The following TRPM2 variants were observed in gnomAD, a reference collection of about 807,000 sequenced individuals.
TRPM2 encodes the protein transient receptor potential cation channel subfamily M member 2.
Under a neutral mutation model 174.0 loss-of-function variants are expected in TRPM2, and 161 were observed. The observed-to-expected ratio is 0.93, with a 90% CI of 0.81 to 1.05. The LOEUF is 1.05. Among genes scored for constraint, TRPM2 ranks in the 50% least tolerant of loss-of-function variants. TRPM2 has a pLI of 0.00. For missense variants in TRPM2, 2,057 were observed against 2,038.0 expected, an observed-to-expected ratio of 1.01 and a Z score of -0.18; for synonymous variants, 954 against 861.3, an observed-to-expected ratio of 1.11 and a Z score of -1.88.
At chr21:44,419,211 G>A (rs533367803) in intron 22 of TRPM2, among the ~76,000 whole-genome samples, 4 of 152,178 alleles carry the variant, frequency 2.6e-5, no homozygotes, top group East Asian at 1.9e-4. Context: ...AAATGGACAC[G>A]GTGCCACCTA....
At chr21:44,430,374 C>T (rs2050978078) in intron 27 of TRPM2, among the ~76,000 whole-genome samples, 1 of 151,452 alleles carries the variant, frequency 6.6e-6, no homozygotes, top group Non-Finnish European at 1.5e-5. Context: ...TAATACTTAG[C>T]TATATAACTG....
chr21:44,423,781 G>T (rs562518651), intron 23 of TRPM2, 49 bp downstream of exon 23: 12 of 1,481,292 alleles, frequency 8.1e-6, no homozygotes, highest in Admixed American at 1.9e-5. Context: ...TGCTGGGCCT[G>T]GTGGGCGGCT....
chr21:44,400,667 C>A (rs1212563507), intron 15 of TRPM2, among the ~76,000 whole-genome samples: 1 of 152,250 alleles, frequency 6.6e-6, no homozygotes, highest in Non-Finnish European at 1.5e-5. Flanking sequence ...CCTGCTCCTG[C>A]CGGCACTGTA....
intron 26 of TRPM2, 108 bp downstream of exon 26, chr21:44,426,844 G>A (rs2050803947): frequency 6.9e-7 from 1 of 1,457,536 alleles, no homozygotes; most frequent in East Asian, 2.3e-5. Flanking sequence ...GTCCAGGTGA[G>A]CAGGAGGGGC....
In TRPM2 at chr21:44,401,898, G is replaced by T. The variant is rs1424533268; in HGVS notation, c.2538+1G>T. ...CTTGGTGTGCGAGGAGATGCGGCAGGTACAGCCCCACCCGCTTTTCCACGC... is the reference window on the plus strand; with the variant it reads ...CTTGGTGTGCGAGGAGATGCGGCAGTTACAGCCCCACCCGCTTTTCCACGC... On this transcript the variant is annotated splice_donor_variant, in intron 16 of 31. Coordinates refer to ENST00000397928, the MANE Select transcript of TRPM2 (RefSeq NM_003307.4). LOFTEE classifies it high-confidence loss of function. 1 of 1,613,628 alleles carries T rather than the reference G, an allele frequency of 6.2e-7. No homozygotes were observed. The highest frequency in any genetic ancestry group is 1.1e-5 in the South Asian group (1 of 91,084).
At chr21:44,379,257 C>G (rs1014058183) in intron 8 of TRPM2, 60 bp downstream of exon 8, 31 of 1,574,772 alleles carry the variant, frequency 2.0e-5, no homozygotes, top group Admixed American at 1.3e-4. Context: ...ACACTGTCAG[C>G]CTGGTGGGCA....
intron 5 of TRPM2, among the ~76,000 whole-genome samples, chr21:44,371,629 A>G (rs540346601): frequency 6.6e-6 from 1 of 152,226 alleles, no homozygotes; most frequent in East Asian, 1.9e-4. Flanking sequence ...TGTAGGTCCC[A>G]CTAGGGTCAT....
In TRPM2 at chr21:44,405,129, C is replaced by T. The variant is rs373815798; in HGVS notation, c.2539-13C>T. 3 of 1,612,612 alleles carry T rather than the reference C, an allele frequency of 1.9e-6. No individual in the cohort carries two copies. The African/African-American group carries it at 4.0e-5, about 22-fold the overall frequency. ...CAACCTGTCTGCCTTCCTACCGCCC[C>T]TCTTCCCAGTAGCTCTTCTATGACC... On this transcript the variant is annotated splice_polypyrimidine_tract_variant and intron_variant, in intron 16 of 31. Coordinates refer to ENST00000397928, the MANE Select transcript of TRPM2 (RefSeq NM_003307.4).
At chr21:44,380,304 C>T (rs911220119) in intron 8 of TRPM2, among the ~76,000 whole-genome samples, 10 of 152,170 alleles carry the variant, frequency 6.6e-5, no homozygotes, top group South Asian at 2.1e-4. Context: ...TAGCTGCAAG[C>T]GTCAGATCAG....
chr21:44,441,675 T>C lies in TRPM2; in HGVS notation c.4387-17T>C, dbSNP rs1247900623. On this transcript the variant is annotated splice_polypyrimidine_tract_variant and intron_variant, in intron 31 of 31. Transcript: ENST00000397928. ...CAGGGCTGGCGGGGAGGGTCAGCTG[T>C]GCCCTTGTTCTTCCAGAACCTGCAC... The C allele has an allele frequency of 2.5e-6, 4 of 1,602,184 alleles. No homozygotes were observed. Among genetic ancestry groups the C allele is most frequent in the Non-Finnish European group, 3.4e-6 (4 of 1,174,516 alleles).
rs753508426 is a variant in TRPM2, at chr21:44,423,748, G to A, written c.3549+16G>A. 3 of 1,590,752 alleles carry A rather than the reference G, an allele frequency of 1.9e-6. No individual in the cohort carries two copies. Among genetic ancestry groups the A allele is most frequent in the Non-Finnish European group, 1.7e-6 (2 of 1,171,290 alleles). On this transcript the variant is annotated intron_variant, in intron 23 of 31. Coordinates refer to ENST00000397928, the MANE Select transcript of TRPM2 (RefSeq NM_003307.4). ...GGAGGAGCAGGTGGGTCCGAGGTCG[G>A]GGCCTCCGTCAGGAGGTGCCACTGC...
At chr21:44,422,523 T>C in intron 22 of TRPM2, 1 of 1,397,288 alleles carries the variant, frequency 7.2e-7, no homozygotes, top group Non-Finnish European at 9.5e-7. Flanking sequence ...CCTAGATAAC[T>C]GTTTAAAGTG....
In TRPM2 at chr21:44,379,173, C is replaced by G; in HGVS notation, c.1191C>G (p.Ser397Arg). ...FQEMFETFTE[S>R]RIVEWTKKIQ... ...AGATGTTTGAGACCTTCACGGAAAGCAGGATTGTCGAGTGGACCAAAAAGG... is the reference window on the plus strand; with the variant it reads ...AGATGTTTGAGACCTTCACGGAAAGGAGGATTGTCGAGTGGACCAAAAAGG... The change falls in exon 8 of 32, where the codon AGC becomes AGG. Residue 397 changes from serine to arginine, a missense_variant. Ser to Arg is a moderately radical substitution (Grantham distance 110). Transcript: ENST00000397928. 6.2e-7 allele frequency: 1 copy of G among 1,613,322 alleles called. No individual in the cohort carries two copies. The highest frequency in any genetic ancestry group is 8.5e-7 in the Non-Finnish European group (1 of 1,180,030).
At chr21:44,394,088 C>A (rs2146251325) in intron 11 of TRPM2, among the ~76,000 whole-genome samples, 1 of 152,228 alleles carries the variant, frequency 6.6e-6, no homozygotes, top group African/African-American at 2.4e-5. Flanking sequence ...CCAGGCTGAT[C>A]TGGATCTCCT....
chr21:44,381,402 T>G (rs932205705), intron 8 of TRPM2, among the ~76,000 whole-genome samples: 3 of 148,734 alleles, frequency 2.0e-5, no homozygotes, highest in African/African-American at 7.4e-5. Context: ...GATGGATGGA[T>G]GGTGGGTGGG....
intron 19 of TRPM2, 102 bp downstream of exon 19, chr21:44,406,867 G>T: frequency 7.1e-6 from 10 of 1,409,190 alleles, no homozygotes; most frequent in Non-Finnish European, 9.6e-6. Flanking sequence ...CTCCATCAGG[G>T]GGTCCTGCGG....
Position 44,362,348 on chromosome 21 carries a change from C to CAAAAAAAAAAAAAAAAAA in TRPM2, c.255-1749_255-1748insAAAAAAAAAAAAAAAAAA, listed in dbSNP as rs57031573. Among the ~76,000 whole-genome samples the CAAAAAAAAAAAAAAAAAA allele has an allele frequency of 5.0e-4, 45 of 89,218 alleles. 2 individuals are homozygous for CAAAAAAAAAAAAAAAAAA. Among genetic ancestry groups the CAAAAAAAAAAAAAAAAAA allele is most frequent in the African/African-American group, 1.4e-3 (35 of 24,276 alleles). 58.5% of individuals were successfully genotyped at this position (89,218 alleles called of 152,430 possible). ...TGAAACCCCGTCTCTACTAAAAATA[C>CAAAAAAAAAAAAAAAAAA]AAAAAAAAAAAAAAAAAGCCAGATG... On this transcript the variant is annotated intron_variant, in intron 2 of 31. Coordinates refer to ENST00000397928, the MANE Select transcript of TRPM2 (RefSeq NM_003307.4).
intron 2 of TRPM2, among the ~76,000 whole-genome samples, chr21:44,355,527 T>C (rs918726522): frequency 6.6e-6 from 1 of 152,184 alleles, no homozygotes; most frequent in Admixed American, 6.5e-5. Context: ...ATACAACCTC[T>C]ACCAGGAAGT....
intron 15 of TRPM2, among the ~76,000 whole-genome samples, chr21:44,401,427 C>T (rs958255466): frequency 6.6e-6 from 1 of 152,240 alleles, no homozygotes; most frequent in East Asian, 1.9e-4. Context: ...AGGGCGTCAG[C>T]GGGCATCCCT....
Sources: gnomAD v4.1 joint callset for allele counts (sites outside exome capture counted in the v4.1 genomes callset) on GRCh38, gnomAD v4.1.1 for gene constraint, MANE v1.5 for transcripts, NCBI Gene and HGNC (gene_info 2026-07-23, HGNC 2026-07-21) for gene names.